Variants in ORC3 observed in about 807,000 individuals in gnomAD.
The protein encoded by ORC3 is homolog of latheo, Drosophila.
In ORC3, 78 loss-of-function variants were observed where a neutral mutation model predicts 100.7. The ratio of observed to expected loss-of-function variants is 0.77; its 90% CI spans 0.65 to 0.94. ORC3 has a LOEUF of 0.94. Ranked by LOEUF, ORC3 falls within the 40% of genes least tolerant of loss-of-function variation. The probability of loss-of-function intolerance (pLI) is 0.00; values close to 1 mark genes in which losing one functional copy is unlikely to be tolerated. For synonymous variants in ORC3, 295 were observed against 289.3 expected, an observed-to-expected ratio of 1.02 and a Z score of -0.20; for missense variants, 789 against 823.9, an observed-to-expected ratio of 0.96 and a Z score of 0.52.
chr6:87,627,493 A>G (rs1343598461), intron 11 of ORC3, among the ~76,000 whole-genome samples: 1 of 150,144 alleles, frequency 6.7e-6, no homozygotes, highest in Non-Finnish European at 1.5e-5. Context: ...ACGGGGTTTC[A>G]CCATGTTGGC....
intron 16 of ORC3, among the ~76,000 whole-genome samples, chr6:87,660,926 T>C (rs1770131777): frequency 6.6e-6 from 1 of 152,248 alleles, no homozygotes; most frequent in South Asian, 2.1e-4. Context: ...ACTGTTGTTG[T>C]TCAACTAATG....
chr6:87,672,338 GCTT>G (rs1282302549), downstream of ORC3, among the ~76,000 whole-genome samples: 1 of 152,092 alleles, frequency 6.6e-6, no homozygotes, highest in African/African-American at 2.4e-5. Context: ...TTAATAACAT[GCTT>G]ATTATGCTTT....
chr6:87,653,948 T>G (rs1372074866), intron 14 of ORC3, among the ~76,000 whole-genome samples: 2 of 152,200 alleles, frequency 1.3e-5, no homozygotes, highest in East Asian at 3.8e-4. Flanking sequence ...TGGGCTCTTC[T>G]CTTGCTCTGT....
At chr6:87,622,841 G>T (rs897231969) in intron 11 of ORC3, among the ~76,000 whole-genome samples, 3 of 152,132 alleles carry the variant, frequency 2.0e-5, no homozygotes, top group African/African-American at 7.2e-5. Flanking sequence ...TAGTACTGAA[G>T]AGTGACATAG....
intron 13 of ORC3, among the ~76,000 whole-genome samples, chr6:87,636,826 A>G (rs780170642): frequency 4.6e-5 from 7 of 152,198 alleles, no homozygotes; most frequent in Non-Finnish European, 1.0e-4. Flanking sequence ...CAAGTCATGA[A>G]AAGTGAGGTC....
At chr6:87,605,245 C>T (rs763931594) in intron 4 of ORC3, among the ~76,000 whole-genome samples, 9 of 152,156 alleles carry the variant, frequency 5.9e-5, no homozygotes, top group Non-Finnish European at 1.3e-4. Flanking sequence ...TTCAAGTGAT[C>T]CTCCCAAAGT....
At chr6:87,668,687 A>G (rs1313695865), downstream of ORC3, among the ~76,000 whole-genome samples, 4 of 152,212 alleles carry the variant, frequency 2.6e-5, no homozygotes, top group African/African-American at 9.6e-5. Context: ...TTAAGCACAT[A>G]AAAATGCTAG....
At chr6:87,674,766 G>A in the ORC3 span, among the ~76,000 whole-genome samples, 56 of 150,894 alleles carry the variant, frequency 3.7e-4, 1 homozygote, top group Middle Eastern at 3.4e-3. Flanking sequence ...GAGCCACCGC[G>A]CCCAGCAGAA....
chr6:87,607,119 A>T (rs1180261421), intron 5 of ORC3, among the ~76,000 whole-genome samples: 3 of 152,158 alleles, frequency 2.0e-5, no homozygotes, highest in Admixed American at 2.0e-4. Context: ...TGCTTCTGTG[A>T]CCTTTTTATT....
At chr6:87,605,656 A>G (rs540917811) in intron 4 of ORC3, among the ~76,000 whole-genome samples, 1 of 152,300 alleles carries the variant, frequency 6.6e-6, no homozygotes, top group Non-Finnish European at 1.5e-5. Flanking sequence ...TCTCAAAAAA[A>G]AAAAAAAGAA....
chr6:87,650,220 A>AT (rs919849335), intron 13 of ORC3, among the ~76,000 whole-genome samples: 2 of 151,688 alleles, frequency 1.3e-5, no homozygotes, highest in African/African-American at 4.8e-5. Context: ...GGCTGAGCTA[A>AT]TTTTTTCTAT....
At chr6:87,676,537 A>C in the ORC3 span, among the ~76,000 whole-genome samples, 1 of 149,996 alleles carries the variant, frequency 6.7e-6, no homozygotes, top group African/African-American at 2.5e-5. Context: ...CGGGCACATC[A>C]TGAGGTCAGA....
intron 8 of ORC3, among the ~76,000 whole-genome samples, chr6:87,613,589 T>G (rs939887740): frequency 6.6e-6 from 1 of 152,198 alleles, no homozygotes; most frequent in Non-Finnish European, 1.5e-5. Flanking sequence ...CTTCTGCCTA[T>G]GAGCCTGTAG....
At chr6:87,645,333 A>G (rs964342701) in intron 13 of ORC3, among the ~76,000 whole-genome samples, 1 of 152,162 alleles carries the variant, frequency 6.6e-6, no homozygotes, top group African/African-American at 2.4e-5. Context: ...CAGCTTCTCT[A>G]GGAAGGGGCA....
intron 11 of ORC3, among the ~76,000 whole-genome samples, chr6:87,624,951 T>C (rs1021104172): frequency 1.3e-5 from 2 of 152,226 alleles, no homozygotes; most frequent in Non-Finnish European, 2.9e-5. Context: ...GGTGTTTGGT[T>C]TTCTGTCCTT....
In ORC3 at chr6:87,609,084, A is replaced by T. The variant is rs1184246329; in HGVS notation, c.580-12A>T. The T allele has an allele frequency of 6.3e-7, 1 of 1,585,122 alleles. No individual in the cohort carries two copies. ...TTACCTTTAACTCTTTCTTTCTGCA[A>T]TGGCTTAAAAGAAGACGGACCCAAA... On this transcript the variant is annotated splice_polypyrimidine_tract_variant and intron_variant, in intron 6 of 19. Transcript: ENST00000392844.
intron 11 of ORC3, among the ~76,000 whole-genome samples, chr6:87,632,178 C>T (rs1444815523): frequency 6.6e-6 from 1 of 151,872 alleles, no homozygotes; most frequent in Non-Finnish European, 1.5e-5. Flanking sequence ...AACAAACAAA[C>T]AAAAAAGAAT....
Position 87,635,123 on chromosome 6 carries a change from A to G in ORC3, c.1302+162A>G, listed in dbSNP as rs141226124. Among the ~76,000 whole-genome samples, 21 of 152,284 alleles carry G rather than the reference A, an allele frequency of 1.4e-4. No homozygotes were observed. The East Asian group carries it at 4.1e-3, about 29-fold the overall frequency. On this transcript the variant is annotated intron_variant, in intron 12 of 19. Transcript: ENST00000392844. ...CAGCTGTAAACATTACTGGTAATTG[A>G]TATTGTTTTTTTGTTCAGATGGCCA...
At chr6:87,639,467 A>T (rs951989485) in intron 13 of ORC3, among the ~76,000 whole-genome samples, 1 of 152,132 alleles carries the variant, frequency 6.6e-6, no homozygotes, top group Non-Finnish European at 1.5e-5. Context: ...ACAAAGTTGC[A>T]TTCCTCCCCC....
Sources: gnomAD v4.1 joint callset for allele counts (sites outside exome capture counted in the v4.1 genomes callset) on GRCh38, gnomAD v4.1.1 for gene constraint, MANE v1.5 for transcripts, NCBI Gene and HGNC (gene_info 2026-07-23, HGNC 2026-07-21) for gene names.